The following RIT2 variants were observed in gnomAD, a reference collection of about 807,000 sequenced individuals.
RIT2 encodes the protein Ras like without CAAX 2.
Under a neutral mutation model 23.7 loss-of-function variants are expected in RIT2, and 24 were observed. The ratio of observed to expected loss-of-function variants is 1.01; its 90% confidence interval spans 0.73 to 1.43. The LOEUF (loss-of-function observed/expected upper bound fraction) is 1.43. RIT2 is among the 40% of genes most tolerant of loss of function. The probability of loss-of-function intolerance (pLI) is 0.00; values close to 1 mark genes in which losing one functional copy is unlikely to be tolerated. For synonymous variants in RIT2, 107 were observed against 91.1 expected (o/e 1.17, Z -0.99); for missense variants, 236 against 266.9 (o/e 0.88, Z 0.81).
At chr18:42,762,193 C>T (rs932539205) in intron 4 of RIT2, among the ~76,000 whole-genome samples, 1 of 152,154 alleles carries the variant, frequency 6.6e-6, no homozygotes, top group African/African-American at 2.4e-5. Flanking sequence ...GAATAACCCT[C>T]CCCTCCATTT....
chr18:43,002,271 C>A (rs1911124342), intron 2 of RIT2, among the ~76,000 whole-genome samples: 1 of 151,864 alleles, frequency 6.6e-6, no homozygotes, highest in Admixed American at 6.6e-5. Context: ...CGGTCGAATT[C>A]TTCCACTTTC....
At chr18:42,864,172 T>C (rs1213660360) in intron 4 of RIT2, among the ~76,000 whole-genome samples, 1 of 152,204 alleles carries the variant, frequency 6.6e-6, no homozygotes, top group Non-Finnish European at 1.5e-5. Context: ...TTGGTTGCCA[T>C]GCCTTTCTCC....
intron 4 of RIT2, among the ~76,000 whole-genome samples, chr18:42,771,692 T>C (rs562518497): frequency 5.3e-5 from 8 of 152,294 alleles, no homozygotes; most frequent in African/African-American, 1.9e-4. Context: ...TAGATTTTTT[T>C]CTAGTTTATT....
chr18:42,831,311 A>G (rs770576907), intron 4 of RIT2, among the ~76,000 whole-genome samples: 7 of 152,254 alleles, frequency 4.6e-5, no homozygotes, highest in Non-Finnish European at 1.0e-4. Context: ...ATATCTAGAC[A>G]AGCAAATGCT....
chr18:43,022,917 G>C (rs1911629785), intron 2 of RIT2, among the ~76,000 whole-genome samples: 1 of 152,070 alleles, frequency 6.6e-6, no homozygotes, highest in African/African-American at 2.4e-5. Flanking sequence ...AGCTTATCAT[G>C]AATGCTGAGA....
intron 1 of RIT2, among the ~76,000 whole-genome samples, chr18:43,053,075 C>G (rs1598763053): frequency 6.6e-6 from 1 of 152,094 alleles, no homozygotes; most frequent in South Asian, 2.1e-4. Context: ...TCTTCATCCT[C>G]TTACCTATGG....
chr18:42,998,806 C>T (rs1363656418), intron 2 of RIT2, among the ~76,000 whole-genome samples: 2 of 151,978 alleles, frequency 1.3e-5, no homozygotes, highest in Non-Finnish European at 2.9e-5. Context: ...CTGCAATTAA[C>T]GCCTCTTCAT....
intron 1 of RIT2, among the ~76,000 whole-genome samples, chr18:43,039,236 C>A (rs1192036485): frequency 6.6e-6 from 1 of 152,086 alleles, no homozygotes; most frequent in Non-Finnish European, 1.5e-5. Context: ...CATTTAAGTA[C>A]TTGACTTTCC....
At chr18:43,062,789 G>A (rs1393311138) in intron 1 of RIT2, among the ~76,000 whole-genome samples, 1 of 152,116 alleles carries the variant, frequency 6.6e-6, no homozygotes, top group Non-Finnish European at 1.5e-5. Context: ...TATTAACTGG[G>A]CACATAATAA....
At chr18:43,030,226 G>C (rs975388535) in intron 2 of RIT2, among the ~76,000 whole-genome samples, 4 of 152,094 alleles carry the variant, frequency 2.6e-5, no homozygotes, top group African/African-American at 7.2e-5. Flanking sequence ...TAAAAGAAAG[G>C]CTTATTTTTG....
At chr18:43,098,726 A>G (rs1172063274) in intron 1 of RIT2, among the ~76,000 whole-genome samples, 1 of 152,026 alleles carries the variant, frequency 6.6e-6, no homozygotes, top group Admixed American at 6.6e-5. Context: ...AATTCATTGG[A>G]AGGCCACTGT....
chr18:42,880,876 C>A (rs570830573), intron 4 of RIT2, among the ~76,000 whole-genome samples: 1 of 143,774 alleles, frequency 7.0e-6, no homozygotes, highest in African/African-American at 2.6e-5. Context: ...GGCATGATCT[C>A]GGCTCACTGC....
chr18:43,065,135 T>C (rs1568071735), intron 1 of RIT2, among the ~76,000 whole-genome samples: 1 of 151,278 alleles, frequency 6.6e-6, no homozygotes, highest in Admixed American at 6.6e-5. Context: ...ACAATTTAAA[T>C]AGATAAAGTT....
intron 4 of RIT2, among the ~76,000 whole-genome samples, chr18:42,876,549 G>T (rs574900878): frequency 2.6e-4 from 39 of 150,850 alleles, no homozygotes; most frequent in African/African-American, 9.5e-4. Flanking sequence ...AATCACATGG[G>T]GATGAAAAAA....
chr18:42,963,554 T>C (rs1349334410), intron 3 of RIT2, among the ~76,000 whole-genome samples: 2 of 152,206 alleles, frequency 1.3e-5, no homozygotes, highest in Non-Finnish European at 2.9e-5. Flanking sequence ...GGAAACATTT[T>C]TATAATACCT....
intron 1 of RIT2, among the ~76,000 whole-genome samples, chr18:43,051,300 G>T (rs1345608603): frequency 6.6e-6 from 1 of 152,104 alleles, no homozygotes; most frequent in Admixed American, 6.6e-5. Flanking sequence ...AAAGGGGAGA[G>T]ATTTTTCCAT....
intron 4 of RIT2, among the ~76,000 whole-genome samples, chr18:42,848,635 C>A (rs189800550): frequency 1.3e-5 from 2 of 152,192 alleles, no homozygotes; most frequent in East Asian, 1.9e-4. Context: ...TATGAACTAG[C>A]CCAGGTTATA....
chr18:43,025,403 C>T (rs1911692839), intron 2 of RIT2, among the ~76,000 whole-genome samples: 1 of 151,880 alleles, frequency 6.6e-6, no homozygotes, highest in Non-Finnish European at 1.5e-5. Flanking sequence ...ATCGAACTAC[C>T]ATTTGGTTTA....
intron 1 of RIT2, among the ~76,000 whole-genome samples, chr18:43,060,858 T>A (rs1308900938): frequency 6.6e-6 from 1 of 152,124 alleles, no homozygotes; most frequent in Non-Finnish European, 1.5e-5. Context: ...TTTTAGATCA[T>A]TCCGACATGA....
Sources: gnomAD v4.1 joint callset for allele counts (sites outside exome capture counted in the v4.1 genomes callset) on GRCh38, gnomAD v4.1.1 for gene constraint, MANE v1.5 for transcripts, NCBI Gene and HGNC (gene_info 2026-07-23, HGNC 2026-07-21) for gene names.